Variants in FRMD4A observed in about 807,000 individuals in gnomAD.
The protein encoded by FRMD4A is FERM domain-containing protein 4A.
FRMD4A carries 29 observed loss-of-function variants against 129.1 expected under a neutral mutation model. That is an observed-to-expected ratio of 0.22 (90% CI 0.17 to 0.31). The LOEUF (loss-of-function observed/expected upper bound fraction) is 0.31. Ranked by LOEUF, FRMD4A falls within the 10% of genes least tolerant of loss-of-function variation. FRMD4A has a pLI of 1.00. For synonymous variants in FRMD4A, 634 were observed against 571.6 expected (o/e 1.11, Z -1.56); for missense variants, 1,272 against 1,375.8 (o/e 0.92, Z 1.19).
At chr10:13,817,472 T>C (rs919480223) in intron 3 of FRMD4A, among the ~76,000 whole-genome samples, 1 of 152,230 alleles carries the variant, frequency 6.6e-6, no homozygotes, top group East Asian at 1.9e-4. Flanking sequence ...CTAGGCACAC[T>C]GATATGGTTT....
chr10:13,766,297 G>C (rs982720607), intron 6 of FRMD4A, among the ~76,000 whole-genome samples: 2 of 152,132 alleles, frequency 1.3e-5, no homozygotes, highest in African/African-American at 4.8e-5. Flanking sequence ...GTTGTTCTCG[G>C]GTTAAGTGAG....
intron 2 of FRMD4A, among the ~76,000 whole-genome samples, chr10:14,078,632 CACA>C (rs1835748787): frequency 6.6e-6 from 1 of 152,114 alleles, no homozygotes; most frequent in South Asian, 2.1e-4. Flanking sequence ...ATGTGAGCCT[CACA>C]ACAATTTTAT....
intron 2 of FRMD4A, among the ~76,000 whole-genome samples, chr10:14,202,959 G>T (rs1267793314): frequency 6.6e-6 from 1 of 152,076 alleles, no homozygotes; most frequent in African/African-American, 2.4e-5. Flanking sequence ...TTTTCGTAGA[G>T]ACAGGGTTTT....
In FRMD4A at chr10:14,067,192, T is replaced by C. The variant is rs184441942; in HGVS notation, c.46-208280A>G. 2.6e-5 allele frequency among the ~76,000 whole-genome samples: 4 copies of C among 151,516 alleles called. No homozygotes were observed. In the East Asian group the frequency reaches 5.9e-4, roughly 22 times the overall value. ...TTAGCTGGGCGTGGTGGCGGGTGCC[T>C]GTAATCCAAGCTACTCGGGAGGCTG... On this transcript the variant is annotated intron_variant, in intron 2 of 24. Transcript: ENST00000357447.
chr10:13,972,189 A>C, intron 2 of FRMD4A: 1 of 1,020,958 alleles, frequency 9.8e-7, no homozygotes, highest in Non-Finnish European at 1.2e-6. Context: ...CAGACCCAGA[A>C]GCACCACCGA....
intron 2 of FRMD4A, among the ~76,000 whole-genome samples, chr10:13,977,166 C>A (rs537703309): frequency 3.9e-5 from 6 of 152,162 alleles, no homozygotes; most frequent in East Asian, 1.9e-4. Flanking sequence ...GCCCATCGGT[C>A]GTATTTTCTG....
At position 14,113,042 on chromosome 10, in the gene FRMD4A, G is replaced by A. The variant is rs142685181; in HGVS notation, c.45+217016C>T. 9.9e-3 allele frequency among the ~76,000 whole-genome samples: 1,500 copies of A among 152,176 alleles called. 33 individuals carry two copies. Among genetic ancestry groups the A allele is most frequent in the African/African-American group, 0.034 (1,424 of 41,520 alleles). On this transcript the variant is annotated intron_variant, in intron 2 of 24. Transcript: ENST00000357447. Reference sequence around the variant, plus strand: ...GAGCTTGGGGACCTAGTACAGGTTCGGACTGGAATCCCCTACAGAGTTGTA... The same window carrying A: ...GAGCTTGGGGACCTAGTACAGGTTCAGACTGGAATCCCCTACAGAGTTGTA...
At chr10:13,728,934 T>C (rs1204546749) in intron 12 of FRMD4A, among the ~76,000 whole-genome samples, 1 of 152,148 alleles carries the variant, frequency 6.6e-6, no homozygotes, top group Non-Finnish European at 1.5e-5. Flanking sequence ...CCATGTCTGA[T>C]ATTGGTGATT....
At chr10:13,751,382 T>C (rs907482755) in intron 8 of FRMD4A, among the ~76,000 whole-genome samples, 1 of 152,228 alleles carries the variant, frequency 6.6e-6, no homozygotes, top group Non-Finnish European at 1.5e-5. Flanking sequence ...AAGGGATCCA[T>C]GGCCCTTCAT....
chr10:14,122,154 A>C (rs891817431), intron 2 of FRMD4A, among the ~76,000 whole-genome samples: 1 of 152,224 alleles, frequency 6.6e-6, no homozygotes, highest in Admixed American at 6.5e-5. Context: ...GTTAAATGGA[A>C]ATCAAAGCCT....
At chr10:13,700,661 G>A (rs564949483) in intron 14 of FRMD4A, among the ~76,000 whole-genome samples, 3 of 152,170 alleles carry the variant, frequency 2.0e-5, no homozygotes, top group East Asian at 1.9e-4. Context: ...GGGGCAGAGT[G>A]TTGATATAAG....
chr10:14,209,779 C>T (rs1285164469), intron 2 of FRMD4A, among the ~76,000 whole-genome samples: 1 of 151,744 alleles, frequency 6.6e-6, no homozygotes, highest in African/African-American at 2.4e-5. Context: ...CCAGCTAATC[C>T]CAGGAGACTG....
At chr10:14,286,161 C>T (rs148639317) in intron 2 of FRMD4A, among the ~76,000 whole-genome samples, 117 of 152,196 alleles carry the variant, frequency 7.7e-4, no homozygotes, top group African/African-American at 2.5e-3. Flanking sequence ...TCTTGGACTC[C>T]GTAAATGGAT....
At chr10:14,288,191 A>G (rs138276548) in intron 2 of FRMD4A, among the ~76,000 whole-genome samples, 3 of 152,196 alleles carry the variant, frequency 2.0e-5, no homozygotes, top group African/African-American at 7.2e-5. Context: ...TTAGTTAGGA[A>G]CAGGTGGATT....
In FRMD4A at chr10:14,032,596, C is replaced by T. The variant is rs147849139; in HGVS notation, c.46-173684G>A. Among the ~76,000 whole-genome samples the T allele has an allele frequency of 8.1e-4, 123 of 152,314 alleles. 1 individual carries two copies. The highest frequency in any genetic ancestry group is 7.5e-3 in the Admixed American group (115 of 15,304). On this transcript the variant is annotated intron_variant, in intron 2 of 24. Coordinates refer to ENST00000357447, the MANE Select transcript of FRMD4A (RefSeq NM_018027.5). ...TGTTGCTGCCTGGGAACTACGTTGC[C>T]ACCACTTCCAGTGAAGGCCACCAGG...
Position 13,999,285 on chromosome 10 carries a change from C to T in FRMD4A, c.46-140373G>A, listed in dbSNP as rs114942235. Among the ~76,000 whole-genome samples, 1,499 of 152,242 alleles carry T rather than the reference C, an allele frequency of 9.8e-3. 17 individuals are homozygous for T. The highest frequency in any genetic ancestry group is 0.023 in the African/African-American group (937 of 41,550). ...CACCACTTGACGTACTACCAATTCA[C>T]GAAAGCGCAGACTTAGCTGTGTCTC... is the stretch of plus-strand genomic sequence containing the variant. On this transcript the variant is annotated intron_variant, in intron 2 of 24. Transcript: ENST00000357447.
At chr10:13,746,521 C>T (rs2091299819) in intron 9 of FRMD4A, among the ~76,000 whole-genome samples, 1 of 152,082 alleles carries the variant, frequency 6.6e-6, no homozygotes, top group Non-Finnish European at 1.5e-5. Flanking sequence ...ATGAGCCCTG[C>T]ATCAAGACAT....
intron 2 of FRMD4A, among the ~76,000 whole-genome samples, chr10:14,091,245 G>A (rs1297472162): frequency 2.0e-5 from 3 of 152,078 alleles, no homozygotes; most frequent in Middle Eastern, 3.4e-3. Flanking sequence ...GTGTGTCTGT[G>A]CATCTGTACA....
chr10:14,252,644 A>G (rs1844478966), intron 2 of FRMD4A, among the ~76,000 whole-genome samples: 1 of 152,238 alleles, frequency 6.6e-6, no homozygotes, highest in African/African-American at 2.4e-5. Context: ...CTGTTGATTC[A>G]TGCCATTTCT....
Sources: gnomAD v4.1 joint callset for allele counts (sites outside exome capture counted in the v4.1 genomes callset) on GRCh38, gnomAD v4.1.1 for gene constraint, MANE v1.5 for transcripts, NCBI Gene and HGNC (gene_info 2026-07-23, HGNC 2026-07-21) for gene names.